Variants in TRIM16 observed in about 807,000 individuals in gnomAD.
The protein encoded by TRIM16 is tripartite motif-containing protein 16.
TRIM16 carries 33 observed loss-of-function variants against 50.4 expected under a neutral mutation model. The observed-to-expected ratio is 0.65, with a 90% CI of 0.50 to 0.88. The LOEUF (loss-of-function observed/expected upper bound fraction) is 0.88. Ranked by LOEUF, TRIM16 falls within the 40% of genes least tolerant of loss-of-function variation. The pLI is 0.00. For missense variants in TRIM16, 581 were observed against 686.8 expected (o/e 0.85, Z 1.72); for synonymous variants, 229 against 270.7 (o/e 0.85, Z 1.51).
At position 15,646,501 on chromosome 17, in the gene TRIM16, G is replaced by A. The variant is rs1987385396; in HGVS notation, c.520-3685C>T. On this transcript the variant is annotated intron_variant, in intron 7 of 11. Transcript: ENST00000649191. ...GTCAAAGGCACACTATTTGGAGTCC[G>A]AAATATTTTGGGACCTGCCACTTGC... Among the ~76,000 whole-genome samples, 3 of 137,660 alleles carry A rather than the reference G, an allele frequency of 2.2e-5. No individual in the cohort carries two copies. In the South Asian group the frequency reaches 7.4e-4, roughly 34 times the overall value. The allele number at this position is 137,660 out of a possible 152,430, so 90.3% of individuals were successfully genotyped here.
chr17:15,661,015 G>A (rs1988212067), intron 6 of TRIM16, among the ~76,000 whole-genome samples: 1 of 151,524 alleles, frequency 6.6e-6, no homozygotes, highest in South Asian at 2.1e-4. Context: ...ATATTAATCA[G>A]AAGACCTGGT....
At chr17:15,635,861 C>CCCTA (rs1193201235) in intron 9 of TRIM16, among the ~76,000 whole-genome samples, 175 bp downstream of exon 9, 2 of 138,140 alleles carry the variant, frequency 1.4e-5, no homozygotes, top group African/African-American at 5.7e-5. Flanking sequence ...AGTTCTCCCT[C>CCCTA]CCTACCCCTC....
chr17:15,676,679 C>T (rs1988964557), intron 6 of TRIM16, among the ~76,000 whole-genome samples: 1 of 152,064 alleles, frequency 6.6e-6, no homozygotes, highest in African/African-American at 2.4e-5. Context: ...TCGTGATCCG[C>T]CCGCCTCGGC....
intron 6 of TRIM16, among the ~76,000 whole-genome samples, chr17:15,664,018 A>G (rs1370108564): frequency 6.6e-6 from 1 of 152,258 alleles, no homozygotes; most frequent in Non-Finnish European, 1.5e-5. Context: ...GGGTTTAAAA[A>G]TGAAGTTAAC....
At position 15,645,135 on chromosome 17, in the gene TRIM16, A is replaced by G. The variant is rs375088608; in HGVS notation, c.520-2319T>C. The stretch of plus-strand genomic sequence containing the variant: ...GGCCTGTTTCTTATTTCACAACTTA[A>G]TATCTCTAAACTTCCATTTCTTCAC... On this transcript the variant is annotated intron_variant, in intron 7 of 11. Transcript: ENST00000649191. 7.9e-5 allele frequency among the ~76,000 whole-genome samples: 12 copies of G among 152,270 alleles called. No individual in the cohort carries two copies. The East Asian group carries it at 1.3e-3, about 17-fold the overall frequency.
intron 6 of TRIM16, among the ~76,000 whole-genome samples, chr17:15,665,794 C>T (rs163369): frequency 0.77 from 116,839 of 151,386 alleles, 45,407 homozygotes; most frequent in African/African-American, 0.86. Context: ...GGCTCACAAA[C>T]TGATGTCTCA....
At chr17:15,681,804 A>C (rs2151432888) in intron 3 of TRIM16, among the ~76,000 whole-genome samples, 1 of 152,342 alleles carries the variant, frequency 6.6e-6, no homozygotes, top group South Asian at 2.1e-4. Flanking sequence ...TTATTTCTTC[A>C]ATCCTCTCTC....
chr17:15,648,707 T>C (rs546379927), intron 7 of TRIM16, among the ~76,000 whole-genome samples: 4 of 152,318 alleles, frequency 2.6e-5, no homozygotes, highest in Non-Finnish European at 5.9e-5. Flanking sequence ...GTGGAGGCTT[T>C]AGCCTCGTCA....
chr17:15,660,140 C>T (rs1443630574), intron 6 of TRIM16, among the ~76,000 whole-genome samples: 1 of 152,152 alleles, frequency 6.6e-6, no homozygotes, highest in Non-Finnish European at 1.5e-5. Context: ...TTCACCTTCC[C>T]AATATTTACT....
In TRIM16 at chr17:15,628,713, C is replaced by T; in HGVS notation, c.1597G>A (p.Ala533Thr). The T allele has an allele frequency of 6.2e-7, 1 of 1,614,172 alleles. No homozygotes were observed. The highest frequency in any genetic ancestry group is 1.7e-5 in the Admixed American group (1 of 60,022). ...ACKFSEPVYA[A>T]FWLSKKENAI... The stretch of plus-strand genomic sequence containing the variant: ...TTTTCCTTCTTGGAAAGCCAGAAGG[C>T]AGCATAGACTGGTTCTGAAAATTTG... Residue 533 changes from alanine (A) to threonine (T), a missense_variant, in exon 12 of 12, where the codon GCC (alanine) becomes ACC (threonine). This residue lies in a region of TRIM16 where 115 missense variants were observed against 106.7 expected (regional missense o/e 1.08). Coordinates refer to ENST00000649191, the MANE Select transcript of TRIM16 (RefSeq NM_001348119.1).
intron 8 of TRIM16, among the ~76,000 whole-genome samples, chr17:15,638,956 AAG>A (rs1986985499): frequency 6.8e-6 from 1 of 146,798 alleles, no homozygotes; most frequent in Non-Finnish European, 1.5e-5. Context: ...TGGCAAAGGG[AAG>A]AATAAGCAGG....
At chr17:15,654,262 C>T (rs971036751) in intron 6 of TRIM16, 13 of 152,314 alleles carry the variant, frequency 8.5e-5, no homozygotes, top group African/African-American at 2.9e-4. Context: ...TTTTCAACCA[C>T]GCATAGAATA....
intron 9 of TRIM16, 187 bp from the exon 10 acceptor site, chr17:15,632,861 G>A: frequency 1.4e-6 from 1 of 715,140 alleles, no homozygotes. Flanking sequence ...CTAGCTGCTA[G>A]ACCCTCAGAA....
At chr17:15,664,314 A>G (rs935455945) in intron 6 of TRIM16, among the ~76,000 whole-genome samples, 2 of 152,164 alleles carry the variant, frequency 1.3e-5, no homozygotes, top group African/African-American at 4.8e-5. Flanking sequence ...AAAAGTATGA[A>G]TCTATTCAGC....
At chr17:15,659,204 C>T (rs192187407) in intron 6 of TRIM16, among the ~76,000 whole-genome samples, 3 of 152,324 alleles carry the variant, frequency 2.0e-5, no homozygotes, top group East Asian at 1.9e-4. Context: ...CCCTTAGCGA[C>T]GGACATCTGC....
intron 4 of TRIM16, among the ~76,000 whole-genome samples, chr17:15,678,578 TA>T (rs1157404185): frequency 2.6e-5 from 4 of 152,322 alleles, no homozygotes; most frequent in Admixed American, 6.5e-5. Context: ...AGCCATATGG[TA>T]AAGAGGCTAG....
In TRIM16 at chr17:15,628,768, A is replaced by G; in HGVS notation, c.1542T>C (p.Asp514=). ...CAAACTTGTGAACCAGAGTCATGGTATCATACTCTACGCCATAGAAGGAAA... is the reference window on the plus strand; with the variant it reads ...CAAACTTGTGAACCAGAGTCATGGTGTCATACTCTACGCCATAGAAGGAAA... ...GILSFYGVEY[D]TMTLVHKFAC... The change falls in exon 12 of 12, where the codon GAT becomes GAC. Residue 514 remains aspartate, a synonymous_variant. Transcript: ENST00000649191. 1 of 1,614,206 alleles carries G rather than the reference A, an allele frequency of 6.2e-7. No individual in the cohort carries two copies. The highest frequency in any genetic ancestry group is 8.5e-7 in the Non-Finnish European group (1 of 1,180,028).
intron 4 of TRIM16, among the ~76,000 whole-genome samples, chr17:15,680,577 C>T (rs1361002359): frequency 6.6e-6 from 1 of 151,998 alleles, no homozygotes; most frequent in African/African-American, 2.4e-5. Flanking sequence ...CCTGCCCCTA[C>T]CATCCTTTCT....
At chr17:15,672,158 C>T (rs1449628156) in intron 6 of TRIM16, among the ~76,000 whole-genome samples, 2 of 152,060 alleles carry the variant, frequency 1.3e-5, no homozygotes, top group African/African-American at 4.8e-5. Flanking sequence ...CTTCATTGGA[C>T]ACATATCAGC....
Sources: gnomAD v4.1 joint callset for allele counts (sites outside exome capture counted in the v4.1 genomes callset) on GRCh38, gnomAD v4.1.1 for gene constraint, gnomAD v4.1.1 regional missense constraint, MANE v1.5 for transcripts, NCBI Gene and HGNC (gene_info 2026-07-23, HGNC 2026-07-21) for gene names.